The following TACC2 variants were observed in gnomAD, a reference collection of about 807,000 sequenced individuals.
TACC2 encodes transforming acidic coiled-coil containing protein 2.
TACC2 carries 137 observed loss-of-function variants against 227.3 expected under a neutral mutation model. The ratio of observed to expected loss-of-function variants is 0.60; its 90% CI spans 0.52 to 0.69. The LOEUF is 0.69. TACC2 is among the 30% of genes least tolerant of loss of function. The pLI is 0.00. For synonymous variants in TACC2, 1,523 were observed against 1,487.5 expected (o/e 1.02, Z -0.55); for missense variants, 3,470 against 3,694.4 (o/e 0.94, Z 1.57).
intron 5 of TACC2, among the ~76,000 whole-genome samples, chr10:122,107,762 T>C (rs112329588): frequency 1.5e-4 from 22 of 150,828 alleles, no homozygotes; most frequent in African/African-American, 5.3e-4. Context: ...ATTTCTGAGA[T>C]TTTGGTGCCC....
Position 122,248,648 on chromosome 10 carries a change from G to A in TACC2, c.8398G>A (p.Glu2800Lys), listed in dbSNP as rs762669751. ...EKTIAQMIED[E>K]QREKSVSHQT... ...CTCCTGGTCTCTCCTGCCAGAGGAC[G>A]AACAGAGAGAGAAGTCAGTCTCCCA... The change falls in exon 20 of 23, where the codon GAA becomes AAA. Residue 2800 changes from glutamate to lysine, a missense_variant. Physicochemically the swap from Glu to Lys is moderately conservative, Grantham distance 56. Transcript: ENST00000369005. The A allele has an allele frequency of 2.8e-5, 45 of 1,612,932 alleles. No homozygotes were observed. Among genetic ancestry groups the A allele is most frequent in the Admixed American group, 1.2e-4 (7 of 59,996 alleles).
chr10:121,990,155 G>T lies in TACC2; in HGVS notation c.-46+667G>T, dbSNP rs542883439. On this transcript the variant is annotated intron_variant, in intron 1 of 22. Coordinates refer to ENST00000369005, the MANE Select transcript of TACC2 (RefSeq NM_206862.4). ...AGACAGGGTCTTGCTCTACTGCCCA[G>T]GCTGGAGTGCAGTGGCATAATGATG... 4.6e-5 allele frequency among the ~76,000 whole-genome samples: 7 copies of T among 151,708 alleles called. No homozygotes were observed. The South Asian group carries it at 6.3e-4, about 14-fold the overall frequency.
Position 122,088,545 on chromosome 10 carries a change from G to A in TACC2, c.5527G>A (p.Asp1843Asn). 6.2e-7 allele frequency: 1 copy of A among 1,613,882 alleles called. No individual in the cohort carries two copies. Residue 1843 changes from aspartate to asparagine, a missense_variant, in exon 5 of 23, where the codon GAT (aspartate) becomes AAT (asparagine). Transcript: ENST00000369005. ...TAAGAAGGATGCTCCAAGAGTCATG[G>A]ATAAAGTCACTTCAGATGAGACCAG... ...VPKKDAPRVM[D>N]KVTSDETRGA...
chr10:122,045,824 C>G (rs1187684553), intron 2 of TACC2, among the ~76,000 whole-genome samples: 1 of 152,194 alleles, frequency 6.6e-6, no homozygotes, highest in Admixed American at 6.5e-5. Flanking sequence ...TAACTCCATC[C>G]AGATATGTTT....
intron 7 of TACC2, among the ~76,000 whole-genome samples, chr10:122,190,556 G>A (rs749433918): frequency 6.6e-6 from 1 of 152,116 alleles, no homozygotes; most frequent in Admixed American, 6.5e-5. Context: ...TGTACACACC[G>A]CACTGTGTGC....
intron 5 of TACC2, among the ~76,000 whole-genome samples, chr10:122,118,116 A>C (rs937250837): frequency 2.0e-5 from 3 of 151,208 alleles, no homozygotes; most frequent in Non-Finnish European, 3.0e-5. Context: ...CCGGGTTCAA[A>C]CTGTTCTCCT....
chr10:122,252,407 G>A (rs1427261415), intron 22 of TACC2, among the ~76,000 whole-genome samples: 1 of 152,082 alleles, frequency 6.6e-6, no homozygotes, highest in South Asian at 2.1e-4. Flanking sequence ...ATGGTGAGCA[G>A]CTCACGGTGG....
chr10:122,084,873 G>A lies in TACC2; in HGVS notation c.2373G>A (p.Leu791=), dbSNP rs148302255. 8.3e-5 allele frequency: 134 copies of A among 1,614,026 alleles called. No homozygotes were observed. The Middle Eastern group carries it at 3.3e-3, about 40-fold the overall frequency. The change falls in exon 4 of 23, where the codon CTG becomes CTA. Residue 791 remains leucine (L), a synonymous_variant. Coordinates refer to ENST00000369005, the MANE Select transcript of TACC2 (RefSeq NM_206862.4). ...AGGGGGAGAACTTGGCAGCAGACCT[G>A]GGGCTCACGGCACTCATCCTGGACC... ...PPQGENLAAD[L]GLTALILDQD...
intron 7 of TACC2, among the ~76,000 whole-genome samples, chr10:122,192,224 C>G (rs2094433409): frequency 6.6e-6 from 1 of 152,210 alleles, no homozygotes; most frequent in African/African-American, 2.4e-5. Flanking sequence ...CAAGGGACCA[C>G]AAAGAGGCTT....
chr10:122,018,762 C>T (rs966348116), intron 1 of TACC2, among the ~76,000 whole-genome samples: 1 of 152,072 alleles, frequency 6.6e-6, no homozygotes, highest in East Asian at 1.9e-4. Context: ...TATGGAGAGA[C>T]GGCATTTTGT....
rs557411671 is a variant in TACC2 at position 122,048,178 on chromosome 10, G to T, written c.34-2260G>T. Among the ~76,000 whole-genome samples, 5 of 152,294 alleles carry T rather than the reference G, an allele frequency of 3.3e-5. No individual in the cohort carries two copies. The East Asian group carries it at 9.7e-4, about 29-fold the overall frequency. On this transcript the variant is annotated intron_variant, in intron 2 of 22. Transcript: ENST00000369005. ...TCAAGATTAATTTACAAAATCCATAGGCTAGAGGTTGGTAGAGTTTGATGA... is the reference window on the plus strand; with the variant it reads ...TCAAGATTAATTTACAAAATCCATATGCTAGAGGTTGGTAGAGTTTGATGA...
Position 122,112,307 on chromosome 10 carries a change from GAGTT to G in TACC2, c.5574-20295_5574-20292del, listed in dbSNP as rs558516273. Among the ~76,000 whole-genome samples, 36 of 152,318 alleles carry G rather than the reference GAGTT, an allele frequency of 2.4e-4. No homozygotes were observed. The East Asian group carries it at 4.4e-3, about 19-fold the overall frequency. On this transcript the variant is annotated intron_variant, in intron 5 of 22. Transcript: ENST00000369005. The stretch of plus-strand genomic sequence containing the variant: ...GGGTGTGAGGTCCATGTCAGTGAAG[GAGTT>G]AGTTAGGCCCTTAAAGGAAAACAGA...
intron 7 of TACC2, among the ~76,000 whole-genome samples, chr10:122,176,269 C>T (rs2093714550): frequency 6.6e-6 from 1 of 151,928 alleles, no homozygotes; most frequent in South Asian, 2.1e-4. Flanking sequence ...TTTGTAAACT[C>T]AGAGGTCTGG....
chr10:122,086,535 G>T lies in TACC2; in HGVS notation c.4035G>T (p.Glu1345Asp). The change falls in exon 4 of 23, where the codon GAG (glutamate) becomes GAT (aspartate). Residue 1345 changes from glutamate to aspartate, a missense_variant. Glu to Asp is a conservative substitution (Grantham distance 45, BLOSUM62 2). Transcript: ENST00000369005. Reference sequence around the variant, plus strand: ...AGGGCAAGCAGGCAACAGGGGAAGAGAAAGCAGCAACAGCTCCAGGTGCAG... The same window carrying T: ...AGGGCAAGCAGGCAACAGGGGAAGATAAAGCAGCAACAGCTCCAGGTGCAG... Reference protein sequence around the residue: ...LAKGKQATGEEKAATAPGAGA... With the variant: ...LAKGKQATGEDKAATAPGAGA... The T allele has an allele frequency of 6.2e-7, 1 of 1,610,178 alleles. No homozygotes were observed. The highest frequency in any genetic ancestry group is 1.1e-5 in the South Asian group (1 of 90,464).
At chr10:122,027,843 A>G (rs1958246415) in intron 2 of TACC2, among the ~76,000 whole-genome samples, 1 of 150,610 alleles carries the variant, frequency 6.6e-6, no homozygotes, top group Non-Finnish European at 1.5e-5. Context: ...TACCAGGTTC[A>G]CGCCATTCTC....
chr10:122,213,661 T>C (rs1412845237), intron 9 of TACC2, among the ~76,000 whole-genome samples: 1 of 152,250 alleles, frequency 6.6e-6, no homozygotes, highest in Non-Finnish European at 1.5e-5. Flanking sequence ...ATTGGATGTC[T>C]TCATCTGAAA....
chr10:122,248,565 C>A, intron 19 of TACC2, 78 bp from the exon 20 acceptor site: 1 of 1,569,998 alleles, frequency 6.4e-7, no homozygotes, highest in Non-Finnish European at 8.7e-7. Flanking sequence ...TGAGTTGCAT[C>A]TGAGGCCTCG....
At chr10:122,190,168 G>A (rs1229862663) in intron 7 of TACC2, among the ~76,000 whole-genome samples, 2 of 152,338 alleles carry the variant, frequency 1.3e-5, no homozygotes, top group South Asian at 2.1e-4. Context: ...ATGTATGTGT[G>A]TGGATGCTGA....
intron 9 of TACC2, among the ~76,000 whole-genome samples, chr10:122,213,124 C>T (rs1355734237): frequency 1.3e-5 from 2 of 152,162 alleles, no homozygotes; most frequent in African/African-American, 4.8e-5. Context: ...GAAGACCCTG[C>T]GTGGGTCTGA....
Sources: allele counts gnomAD v4.1 joint callset (sites outside exome capture counted in the v4.1 genomes callset), GRCh38; gene constraint gnomAD v4.1.1; transcripts MANE v1.5; gene names NCBI Gene and HGNC (gene_info 2026-07-23, HGNC 2026-07-21).